MZT2A: variants seen among roughly 807,000 people sequenced by gnomAD.
The protein encoded by MZT2A is mitotic-spindle organizing protein 2A.
MZT2A carries 8 observed loss-of-function variants against 12.4 expected under a neutral mutation model. The observed-to-expected ratio is 0.64, with a 90% CI of 0.38 to 1.16. The LOEUF (loss-of-function observed/expected upper bound fraction) is 1.16. Ranked by LOEUF, MZT2A falls within the 50% of genes most tolerant of loss-of-function variation. MZT2A has a pLI of 0.01. For missense variants in MZT2A, 181 were observed against 223.6 expected, an observed-to-expected ratio of 0.81 and a Z score of 1.22; for synonymous variants, 88 against 107.5, an observed-to-expected ratio of 0.82 and a Z score of 1.12.
downstream of MZT2A, among the ~76,000 whole-genome samples, chr2:131,479,864 C>CA (rs1221873466): frequency 6.6e-6 from 1 of 152,116 alleles, no homozygotes; most frequent in African/African-American, 2.4e-5. Context: ...AAACTTAGAC[C>CA]AGCATCTTGA....
chr2:131,473,191 C>G (rs1003240692), intron 2 of MZT2A, among the ~76,000 whole-genome samples: 1 of 151,802 alleles, frequency 6.6e-6, no homozygotes, highest in Admixed American at 6.6e-5. Flanking sequence ...TTAAGCCACT[C>G]AGTCAGTGGT....
chr2:131,487,951 G>C (rs1679121670), intron 2 of MZT2A, among the ~76,000 whole-genome samples: 1 of 152,180 alleles, frequency 6.6e-6, no homozygotes, highest in Middle Eastern at 3.2e-3. Context: ...ATGTTTTGTA[G>C]AGATTGGGTC....
intron 2 of MZT2A, chr2:131,476,301 A>C: frequency 6.3e-7 from 1 of 1,591,544 alleles, no homozygotes; most frequent in Non-Finnish European, 8.6e-7. Context: ...CGCTGAGAGG[A>C]GGCCAGAGAA....
chr2:131,493,644 C>T (rs1405309288), upstream of MZT2A, among the ~76,000 whole-genome samples: 1 of 152,022 alleles, frequency 6.6e-6, no homozygotes, highest in African/African-American at 2.4e-5. Flanking sequence ...ATTAGCGTTG[C>T]CCAAGGGCTG....
chr2:131,478,301 C>T, intron 2 of MZT2A: 1 of 1,614,028 alleles, frequency 6.2e-7, no homozygotes, highest in Non-Finnish European at 8.5e-7. Flanking sequence ...GCGGGGACGA[C>T]TCCTTCAACA....
chr2:131,492,400 G>T, upstream of MZT2A: 4 of 1,235,006 alleles, frequency 3.2e-6, no homozygotes, highest in East Asian at 1.4e-4. Context: ...CGAAAGGTGC[G>T]CCCCGCCCCG....
intron 2 of MZT2A, chr2:131,478,771 A>T (rs1678754729): frequency 3.5e-6 from 1 of 285,054 alleles, no homozygotes; most frequent in African/African-American, 2.2e-5. Context: ...CATAGAAGGT[A>T]AGTACAGAAC....
chr2:131,493,074 A>G, upstream of MZT2A: 1 of 1,495,078 alleles, frequency 6.7e-7, no homozygotes, highest in Non-Finnish European at 9.0e-7. Context: ...CTTGATGACG[A>G]CGTTTTGGCG....
chr2:131,488,092 A>G (rs539419707), intron 2 of MZT2A, among the ~76,000 whole-genome samples: 4 of 152,180 alleles, frequency 2.6e-5, no homozygotes, highest in African/African-American at 9.6e-5. Flanking sequence ...CGCATACCAC[A>G]CGCAGTGCAA....
At chr2:131,470,561 C>A (rs1432837337) in intron 3 of MZT2A, among the ~76,000 whole-genome samples, 2 of 152,184 alleles carry the variant, frequency 1.3e-5, no homozygotes, top group Non-Finnish European at 2.9e-5. Context: ...AGGTGCTGAG[C>A]AACAACCCCA....
chr2:131,475,183 G>T (rs1016289839), intron 2 of MZT2A, among the ~76,000 whole-genome samples: 38 of 151,848 alleles, frequency 2.5e-4, no homozygotes, highest in African/African-American at 9.0e-4. Flanking sequence ...GTCTCACCAC[G>T]TTGCCCAGGC....
chr2:131,474,502 C>T (rs767567620), intron 2 of MZT2A, among the ~76,000 whole-genome samples: 46 of 150,902 alleles, frequency 3.0e-4, no homozygotes, highest in Admixed American at 4.0e-4. Context: ...CTCCGCCTCC[C>T]GGGTTCAAGT....
downstream of MZT2A, among the ~76,000 whole-genome samples, chr2:131,481,422 C>A (rs947249116): frequency 2.0e-5 from 3 of 148,604 alleles, no homozygotes; most frequent in African/African-American, 7.5e-5. Context: ...ACATGCAACA[C>A]CATGCCCGGG....
intron 2 of MZT2A, chr2:131,490,218 G>C (rs1679232763): frequency 1.2e-6 from 1 of 802,416 alleles, no homozygotes; most frequent in Non-Finnish European, 1.5e-6. Context: ...GAGTGAGGCG[G>C]GCAAGGGGGC....
chr2:131,491,070 C>G (rs976576862), intron 2 of MZT2A: 2 of 1,016,810 alleles, frequency 2.0e-6, no homozygotes, highest in Non-Finnish European at 3.0e-6. Context: ...GGGTCTCCTC[C>G]TGCTTCCAGG....
chr2:131,480,511 C>G (rs763805431), downstream of MZT2A: 1 of 1,597,674 alleles, frequency 6.3e-7, no homozygotes, highest in Admixed American at 1.7e-5. Context: ...GCCACCTATG[C>G]CCCAGTCATC....
intron 2 of MZT2A, among the ~76,000 whole-genome samples, chr2:131,485,961 G>A (rs1006064339): frequency 4.7e-4 from 72 of 151,632 alleles, no homozygotes; most frequent in Non-Finnish European, 4.6e-4. Context: ...GGGATAGGAC[G>A]GCCCTCCTTA....
chr2:131,484,458 C>T (rs149340045), intron 2 of MZT2A, among the ~76,000 whole-genome samples: 14 of 152,330 alleles, frequency 9.2e-5, no homozygotes, highest in African/African-American at 3.4e-4. Context: ...AGCGAAGCCA[C>T]GCAAGGAGCA....
intron 2 of MZT2A, chr2:131,490,611 C>T: frequency 6.5e-7 from 1 of 1,547,826 alleles, no homozygotes; most frequent in South Asian, 1.2e-5. Context: ...CTGCATGATC[C>T]TGCCCTTGCA....
Sources: allele counts gnomAD v4.1 joint callset (sites outside exome capture counted in the v4.1 genomes callset), GRCh38; gene constraint gnomAD v4.1.1; transcripts MANE v1.5; gene names NCBI Gene and HGNC (gene_info 2026-07-23, HGNC 2026-07-21).